The following CALCR variants were observed in gnomAD, a reference collection of about 807,000 sequenced individuals.
CALCR encodes calcitonin receptor.
Under a neutral mutation model 59.5 loss-of-function variants are expected in CALCR, and 47 were observed. The ratio of observed to expected loss-of-function variants is 0.79; its 90% confidence interval spans 0.63 to 1.01. The LOEUF (loss-of-function observed/expected upper bound fraction) is 1.01, where lower values mean the gene tolerates loss of function less well. Among genes scored for constraint, CALCR ranks in the 50% least tolerant of loss-of-function variants. CALCR has a pLI of 0.00. For missense variants in CALCR, 566 were observed against 597.1 expected, an observed-to-expected ratio of 0.95 and a Z score of 0.54; for synonymous variants, 213 against 211.3, an observed-to-expected ratio of 1.01 and a Z score of -0.07.
intron 2 of CALCR, among the ~76,000 whole-genome samples, chr7:93,529,135 G>A (rs1002121963): frequency 1.3e-5 from 2 of 152,188 alleles, no homozygotes; most frequent in African/African-American, 4.8e-5. Context: ...ATGTTGAACT[G>A]TAATCCCCAG....
At chr7:93,457,182 C>G (rs938257375) in intron 8 of CALCR, among the ~76,000 whole-genome samples, 1 of 152,140 alleles carries the variant, frequency 6.6e-6, no homozygotes, top group African/African-American at 2.4e-5. Flanking sequence ...AAGTCAAGTA[C>G]AGAGACCTAG....
chr7:93,527,032 C>T (rs532113132), intron 2 of CALCR, among the ~76,000 whole-genome samples: 1 of 151,980 alleles, frequency 6.6e-6, no homozygotes, highest in Admixed American at 6.6e-5. Flanking sequence ...CATACCTGAT[C>T]TCTTTCTCTC....
At chr7:93,491,691 C>T (rs1221447468) in intron 2 of CALCR, among the ~76,000 whole-genome samples, 1 of 151,970 alleles carries the variant, frequency 6.6e-6, no homozygotes, top group Non-Finnish European at 1.5e-5. Flanking sequence ...TAAATCAAAA[C>T]CACAGTGAGA....
At chr7:93,507,413 G>A (rs1371038312) in intron 2 of CALCR, among the ~76,000 whole-genome samples, 1 of 152,132 alleles carries the variant, frequency 6.6e-6, no homozygotes, top group Non-Finnish European at 1.5e-5. Context: ...TGAGCAGTGA[G>A]GAGGGTAAGG....
At chr7:93,571,270 T>A (rs1284525782) in intron 2 of CALCR, among the ~76,000 whole-genome samples, 1 of 152,164 alleles carries the variant, frequency 6.6e-6, no homozygotes, top group Non-Finnish European at 1.5e-5. Flanking sequence ...TGATTACTTA[T>A]GTTCTTGTCA....
chr7:93,441,601 C>A (rs905157629), intron 9 of CALCR: 9 of 450,714 alleles, frequency 2.0e-5, no homozygotes, highest in Non-Finnish European at 4.0e-5. Context: ...AAATTTTGAC[C>A]TGTTTTAGGA....
chr7:93,444,620 C>T (rs1455597170), intron 8 of CALCR, among the ~76,000 whole-genome samples: 1 of 151,970 alleles, frequency 6.6e-6, no homozygotes, highest in African/African-American at 2.4e-5. Flanking sequence ...ACACTCTTGA[C>T]AATCAAAAAT....
intron 13 of CALCR, among the ~76,000 whole-genome samples, chr7:93,429,185 G>A (rs1799596700): frequency 6.6e-6 from 1 of 152,034 alleles, no homozygotes; most frequent in South Asian, 2.1e-4. Flanking sequence ...ATAATAACAG[G>A]CCCTTAGCAG....
chr7:93,453,337 G>A (rs978521219), intron 8 of CALCR, among the ~76,000 whole-genome samples: 24 of 152,036 alleles, frequency 1.6e-4, no homozygotes, highest in Non-Finnish European at 2.9e-4. Context: ...AGGAAAGCAA[G>A]GCACAGTTAG....
chr7:93,477,517 A>G (rs1800690945), intron 5 of CALCR, 41 bp downstream of exon 5: 18 of 1,365,592 alleles, frequency 1.3e-5, no homozygotes, highest in Non-Finnish European at 1.8e-5. Flanking sequence ...AAACTCTAAA[A>G]GCTTCATAGC....
At chr7:93,468,940 T>G in intron 6 of CALCR, 134 bp from the exon 7 acceptor site, 1 of 459,852 alleles carries the variant, frequency 2.2e-6, no homozygotes, top group Non-Finnish European at 3.8e-6. Context: ...TTATAACAAA[T>G]ATTTCAGATA....
intron 2 of CALCR, among the ~76,000 whole-genome samples, chr7:93,546,484 T>A (rs1789288126): frequency 6.6e-6 from 1 of 152,188 alleles, no homozygotes; most frequent in Non-Finnish European, 1.5e-5. Context: ...AAACCCAGAC[T>A]GTCTGGCCGC....
chr7:93,483,516 T>TTATA (rs146844060), intron 3 of CALCR, among the ~76,000 whole-genome samples: 32 of 147,930 alleles, frequency 2.2e-4, no homozygotes, highest in East Asian at 6.0e-4. Context: ...TTTATGTATA[T>TTATA]TATATATATA....
intron 2 of CALCR, among the ~76,000 whole-genome samples, chr7:93,507,005 C>T (rs151017860): frequency 1.3e-4 from 20 of 152,284 alleles, no homozygotes; most frequent in East Asian, 5.8e-4. Flanking sequence ...GCTCCTGCTT[C>T]GCCATGATTG....
intron 2 of CALCR, among the ~76,000 whole-genome samples, chr7:93,555,295 A>G (rs1254467393): frequency 1.3e-5 from 2 of 152,152 alleles, no homozygotes; most frequent in African/African-American, 4.8e-5. Flanking sequence ...GCAATGCCCC[A>G]TCATTTCTGT....
At chr7:93,487,278 C>T (rs1800966891) in intron 2 of CALCR, among the ~76,000 whole-genome samples, 2 of 151,300 alleles carry the variant, frequency 1.3e-5, no homozygotes, top group African/African-American at 4.8e-5. Flanking sequence ...TAAAGACATT[C>T]CAAGAGAGCA....
chr7:93,438,262 G>A lies in CALCR; in HGVS notation c.811C>T (p.Leu271=). 2.5e-6 allele frequency: 4 copies of A among 1,612,320 alleles called. No individual in the cohort carries two copies. Among genetic ancestry groups the A allele is most frequent in the Non-Finnish European group, 2.5e-6 (3 of 1,178,390 alleles). Residue 271 remains leucine, a synonymous_variant, in exon 10 of 14, where the codon CTG becomes TTG. Transcript: ENST00000426151. Reference sequence around the variant, plus strand: ...ATAGCATGGATAGTGGTTGGCACCAGCGGGAACCCTACAAATGTGAAAAGT... The same window carrying A: ...ATAGCATGGATAGTGGTTGGCACCAACGGGAACCCTACAAATGTGAAAAGT... The part of the protein sequence containing the change: ...WYYLLGWGFP[L]VPTTIHAITR...
chr7:93,491,337 T>C lies in CALCR; in HGVS notation c.-26-4330A>G, dbSNP rs535273053. Among the ~76,000 whole-genome samples, 28 of 152,100 alleles carry C rather than the reference T, an allele frequency of 1.8e-4. 1 individual carries two copies. The South Asian group carries it at 5.8e-3, about 32-fold the overall frequency. ...AACCTAGGCAATACCATTCAGGACATAGACATGGGCAAAGACTTCATGACA... is the reference window on the plus strand; with the variant it reads ...AACCTAGGCAATACCATTCAGGACACAGACATGGGCAAAGACTTCATGACA... On this transcript the variant is annotated intron_variant, in intron 2 of 13. Transcript: ENST00000426151.
intron 2 of CALCR, among the ~76,000 whole-genome samples, chr7:93,571,629 T>A (rs571382761): frequency 6.6e-5 from 10 of 152,240 alleles, no homozygotes; most frequent in African/African-American, 2.4e-4. Flanking sequence ...AATGCTGCTG[T>A]TAAGTTGTAA....
Sources: gnomAD v4.1 joint callset for allele counts (sites outside exome capture counted in the v4.1 genomes callset) on GRCh38, gnomAD v4.1.1 for gene constraint, MANE v1.5 for transcripts, NCBI Gene and HGNC (gene_info 2026-07-23, HGNC 2026-07-21) for gene names.